The following TRHDE variants were observed in gnomAD, a reference collection of about 807,000 sequenced individuals.
TRHDE encodes thyrotropin releasing hormone degrading enzyme.
In TRHDE, 72 loss-of-function variants were observed where a neutral mutation model predicts 125.7. The ratio of observed to expected loss-of-function variants is 0.57; its 90% CI spans 0.47 to 0.70. TRHDE has a LOEUF of 0.70. TRHDE is among the 30% of genes least tolerant of loss of function. The probability of loss-of-function intolerance (pLI) is 0.00; values close to 1 mark genes in which losing one functional copy is unlikely to be tolerated. For synonymous variants in TRHDE, 509 were observed against 509.1 expected, an observed-to-expected ratio of 1.00 and a Z score of 0.00; for missense variants, 1,110 against 1,327.1, an observed-to-expected ratio of 0.84 and a Z score of 2.54.
chr12:72,128,670 A>G (rs1343621585), intron 2 of TRHDE, among the ~76,000 whole-genome samples: 1 of 152,228 alleles, frequency 6.6e-6, no homozygotes, highest in Non-Finnish European at 1.5e-5. Context: ...GGCAGATGAC[A>G]TATCACAGAT....
chr12:72,392,658 T>C (rs1021208953), intron 3 of TRHDE, among the ~76,000 whole-genome samples: 1 of 152,216 alleles, frequency 6.6e-6, no homozygotes, highest in Non-Finnish European at 1.5e-5. Context: ...TGTGTTCCAA[T>C]AACATCTTGT....
chr12:72,239,154 A>C (rs1290543793), intron 2 of TRHDE, among the ~76,000 whole-genome samples: 2 of 151,792 alleles, frequency 1.3e-5, no homozygotes, highest in African/African-American at 4.8e-5. Context: ...GATGATGAGC[A>C]TTTCTTCATG....
At chr12:72,373,534 G>GA (rs1466461457) in intron 2 of TRHDE, among the ~76,000 whole-genome samples, 1 of 152,008 alleles carries the variant, frequency 6.6e-6, no homozygotes, top group Admixed American at 6.5e-5. Context: ...TGTGCATTCT[G>GA]AAAAAATGGT....
rs1162467537 is a variant in TRHDE at position 72,224,158 on chromosome 12, G to GTATC, written n.279+118409_279+118410insCTAT. Among the ~76,000 whole-genome samples, 230 of 24,668 alleles carry GTATC rather than the reference G, an allele frequency of 9.3e-3. 2 individuals carry two copies. Among genetic ancestry groups the GTATC allele is most frequent in the African/African-American group, 0.029 (219 of 7,602 alleles). 16.2% of individuals were successfully genotyped at this position (24,668 alleles called of 152,430 possible). On this transcript the variant is annotated intron_variant and non_coding_transcript_variant, in intron 2 of 4. Transcript: ENST00000548156. ...TCTATCTATTTATCTATGTATGTAT[G>GTATC]TATGTATGTATCTATCTATCTATCT... is the stretch of plus-strand genomic sequence containing the variant.
intron 2 of TRHDE, among the ~76,000 whole-genome samples, chr12:72,203,462 TG>T (rs1877603268): frequency 6.6e-6 from 1 of 151,886 alleles, no homozygotes; most frequent in South Asian, 2.1e-4. Flanking sequence ...AGCGAGACTC[TG>T]TCTCAAAAAA....
chr12:72,350,621 A>C (rs1476958712), intron 2 of TRHDE, among the ~76,000 whole-genome samples: 4 of 151,824 alleles, frequency 2.6e-5, no homozygotes, highest in African/African-American at 9.7e-5. Context: ...GGCTTGTTCT[A>C]CTTGTCTAGC....
intron 3 of TRHDE, among the ~76,000 whole-genome samples, chr12:72,454,208 T>A (rs1003112798): frequency 1.3e-5 from 2 of 152,168 alleles, no homozygotes; most frequent in Admixed American, 1.3e-4. Flanking sequence ...AAAAAATATG[T>A]AATCAACTCT....
rs544219032 is a variant in TRHDE at position 72,396,872 on chromosome 12, C to T, written c.1315+18751C>T. ...TCCTTTCCTGTGTACTTCTTATTTTCCCAATGTTTATATATTTGATATTCC... is the reference window on the plus strand; with the variant it reads ...TCCTTTCCTGTGTACTTCTTATTTTTCCAATGTTTATATATTTGATATTCC... On this transcript the variant is annotated intron_variant, in intron 3 of 18. Transcript: ENST00000261180. Among the ~76,000 whole-genome samples, 17 of 152,306 alleles carry T rather than the reference C, an allele frequency of 1.1e-4. No individual in the cohort carries two copies. In the East Asian group the frequency reaches 1.5e-3, roughly 14 times the overall value.
intron 15 of TRHDE, among the ~76,000 whole-genome samples, chr12:72,628,972 A>T (rs1236766623): frequency 6.6e-6 from 1 of 151,820 alleles, no homozygotes; most frequent in African/African-American, 2.4e-5. Flanking sequence ...CCATCATGAG[A>T]TAAATGTTTG....
At chr12:72,218,314 C>G (rs1877935179) in intron 2 of TRHDE, among the ~76,000 whole-genome samples, 1 of 152,090 alleles carries the variant, frequency 6.6e-6, no homozygotes, top group Non-Finnish European at 1.5e-5. Flanking sequence ...ATTACCAGCT[C>G]TCAGCTAAAG....
chr12:72,467,240 C>G (rs193164494), intron 3 of TRHDE, among the ~76,000 whole-genome samples: 2 of 151,976 alleles, frequency 1.3e-5, no homozygotes, highest in Admixed American at 6.5e-5. Context: ...CCACTCCCCC[C>G]ACCCCACAAC....
At chr12:72,394,695 A>G (rs368818450) in intron 3 of TRHDE, among the ~76,000 whole-genome samples, 96 of 152,306 alleles carry the variant, frequency 6.3e-4, no homozygotes, top group African/African-American at 2.2e-3. Flanking sequence ...AAGTGTGGGC[A>G]ATTTTCCCTT....
At chr12:72,160,520 C>G (rs1876612563) in intron 2 of TRHDE, among the ~76,000 whole-genome samples, 1 of 152,046 alleles carries the variant, frequency 6.6e-6, no homozygotes, top group African/African-American at 2.4e-5. Context: ...AACAACATCT[C>G]TACTAAAAAT....
At chr12:72,128,105 G>A (rs944188257) in intron 2 of TRHDE, among the ~76,000 whole-genome samples, 3 of 152,110 alleles carry the variant, frequency 2.0e-5, no homozygotes, top group Non-Finnish European at 4.4e-5. Context: ...AATTACCTGA[G>A]ACCAGAGAAA....
intron 2 of TRHDE, among the ~76,000 whole-genome samples, chr12:72,335,484 C>T (rs923465001): frequency 2.6e-5 from 4 of 152,102 alleles, no homozygotes; most frequent in Admixed American, 1.3e-4. Context: ...CACCAAACAC[C>T]AAACTGTACT....
At chr12:72,649,237 A>G (rs1263635261) in intron 15 of TRHDE, among the ~76,000 whole-genome samples, 1 of 152,086 alleles carries the variant, frequency 6.6e-6, no homozygotes, top group African/African-American at 2.4e-5. Context: ...ATAAATTCAC[A>G]AATATATGCT....
At chr12:72,225,958 G>T (rs532609020) in intron 2 of TRHDE, among the ~76,000 whole-genome samples, 2 of 152,290 alleles carry the variant, frequency 1.3e-5, no homozygotes, top group East Asian at 3.9e-4. Flanking sequence ...TGTCTAAGAG[G>T]TGTCATGACT....
intron 3 of TRHDE, among the ~76,000 whole-genome samples, chr12:72,384,801 GTGA>G (rs1254100889): frequency 2.6e-5 from 4 of 151,962 alleles, no homozygotes; most frequent in Non-Finnish European, 4.4e-5. Flanking sequence ...TTTTATTGTG[GTGA>G]TGATGATTGT....
upstream of TRHDE, among the ~76,000 whole-genome samples, chr12:72,271,075 G>A (rs1365497201): frequency 2.0e-5 from 3 of 152,196 alleles, no homozygotes; most frequent in Admixed American, 1.3e-4. Flanking sequence ...CAGTCTCAGG[G>A]TTTTGGTCCT....
Sources: allele counts gnomAD v4.1 joint callset (sites outside exome capture counted in the v4.1 genomes callset), GRCh38; gene constraint gnomAD v4.1.1; transcripts MANE v1.5; gene names NCBI Gene and HGNC (gene_info 2026-07-23, HGNC 2026-07-21).